PGM1: variants seen among roughly 807,000 people sequenced by gnomAD.
The protein encoded by PGM1 is phosphoglucomutase-1.
In PGM1, 52 loss-of-function variants were observed where a neutral mutation model predicts 55.6. The observed-to-expected ratio is 0.94, with a 90% confidence interval of 0.75 to 1.18. PGM1 has a LOEUF of 1.18. PGM1 is among the 50% of genes most tolerant of loss of function. The pLI, the probability that PGM1 is intolerant of heterozygous loss-of-function variation, is 0.00. For missense variants in PGM1, 724 were observed against 729.3 expected (o/e 0.99, Z 0.08); for synonymous variants, 287 against 271.7 (o/e 1.06, Z -0.55).
At chr1:63,619,320 G>A (rs1648824503) in intron 1 of PGM1, among the ~76,000 whole-genome samples, 1 of 152,202 alleles carries the variant, frequency 6.6e-6, no homozygotes, top group African/African-American at 2.4e-5. Flanking sequence ...TATGGAAAAA[G>A]GGTCAGAGGA....
At chr1:63,616,319 AC>A (rs530181689) in intron 1 of PGM1, among the ~76,000 whole-genome samples, 10 of 152,206 alleles carry the variant, frequency 6.6e-5, no homozygotes, top group Non-Finnish European at 1.2e-4. Context: ...CACGTGCCTT[AC>A]TTATGAAAAG....
chr1:63,659,507 A>G, intron 10 of PGM1, 79 bp from the exon 11 acceptor site: 1 of 1,127,538 alleles, frequency 8.9e-7, no homozygotes, highest in Non-Finnish European at 1.4e-6. Flanking sequence ...GGAAGTAGGC[A>G]GTCAGACGTA....
chr1:63,652,949 A>G (rs962446895), intron 9 of PGM1, among the ~76,000 whole-genome samples: 6 of 152,204 alleles, frequency 3.9e-5, no homozygotes, highest in Non-Finnish European at 5.9e-5. Context: ...TTGAGGAAGA[A>G]AGGGGTGTAG....
At chr1:63,638,624 C>A in intron 6 of PGM1, 61 bp from the exon 7 acceptor site, 1 of 1,060,122 alleles carries the variant, frequency 9.4e-7, no homozygotes, top group Non-Finnish European at 1.5e-6. Context: ...CCTTTTCCGT[C>A]CCTCACATGG....
At chr1:63,596,852 C>G (rs1648088322) in intron 1 of PGM1, among the ~76,000 whole-genome samples, 1 of 152,186 alleles carries the variant, frequency 6.6e-6, no homozygotes, top group Admixed American at 6.5e-5. Flanking sequence ...TTACCTGTAT[C>G]TGCAATGCCT....
intron 1 of PGM1, among the ~76,000 whole-genome samples, chr1:63,602,243 T>C (rs968697854): frequency 1.3e-5 from 2 of 152,180 alleles, no homozygotes; most frequent in Admixed American, 6.5e-5. Context: ...TTTTAATATA[T>C]GAGTACTGAG....
At chr1:63,635,873 T>G (rs952948579) in intron 5 of PGM1, among the ~76,000 whole-genome samples, 2 of 152,232 alleles carry the variant, frequency 1.3e-5, no homozygotes, top group African/African-American at 4.8e-5. Flanking sequence ...AGCCAATATT[T>G]CTTCTCTCAT....
intron 7 of PGM1, 71 bp downstream of exon 7, chr1:63,638,871 A>G: frequency 1.9e-6 from 2 of 1,068,738 alleles, no homozygotes; most frequent in Non-Finnish European, 1.5e-6. Flanking sequence ...TAGACTGCTA[A>G]GGTAGCACTG....
chr1:63,598,435 T>C (rs1167907904), intron 1 of PGM1, among the ~76,000 whole-genome samples: 1 of 152,232 alleles, frequency 6.6e-6, no homozygotes, highest in Non-Finnish European at 1.5e-5. Context: ...GAGGATTTAA[T>C]ACTGCCTTAC....
At chr1:63,628,017 T>C (rs3819914) in intron 1 of PGM1, among the ~76,000 whole-genome samples, 20,402 of 152,154 alleles carry the variant, frequency 0.13, 1,390 homozygotes, top group African/African-American at 0.17. Flanking sequence ...CTTGTTATTA[T>C]TGCTGCTGGA....
intron 1 of PGM1, among the ~76,000 whole-genome samples, chr1:63,605,058 TC>T (rs1376284813): frequency 6.6e-6 from 1 of 151,990 alleles, no homozygotes; most frequent in Admixed American, 6.6e-5. Context: ...GAATGCACAC[TC>T]CTGTCCTGGC....
At chr1:63,632,442 G>A (rs774065233) in intron 4 of PGM1, among the ~76,000 whole-genome samples, 24 of 152,202 alleles carry the variant, frequency 1.6e-4, no homozygotes, top group African/African-American at 3.9e-4. Context: ...GATGCAATTC[G>A]GGGATTCCTG....
intron 1 of PGM1, among the ~76,000 whole-genome samples, chr1:63,620,276 C>T (rs1026420773): frequency 2.0e-5 from 3 of 152,194 alleles, no homozygotes; most frequent in Non-Finnish European, 4.4e-5. Flanking sequence ...TGCTTAGTTA[C>T]TGGTGGCTGG....
At chr1:63,644,411 A>G (rs573010011) in intron 7 of PGM1, among the ~76,000 whole-genome samples, 61 of 152,302 alleles carry the variant, frequency 4.0e-4, no homozygotes, top group African/African-American at 1.5e-3. Context: ...AAACATAATG[A>G]AACAAGTAAT....
Position 63,629,967 on chromosome 1 carries a change from T to C in PGM1, c.435T>C (p.Asp145=). 1 of 1,614,038 alleles carries C rather than the reference T, an allele frequency of 6.2e-7. No homozygotes were observed. The highest frequency in any genetic ancestry group is 8.5e-7 in the Non-Finnish European group (1 of 1,179,938). The change falls in exon 3 of 11, where the codon GAT becomes GAC. Residue 145 remains aspartate, a synonymous_variant. Transcript: ENST00000371084. ...NGGPAPEAIT[D]KIFQISKTIE... Reference sequence around the variant, plus strand: ...GTCCTGCTCCAGAAGCAATAACTGATAAAATTTTCCAAATCAGCAAGACAA... The same window carrying C: ...GTCCTGCTCCAGAAGCAATAACTGACAAAATTTTCCAAATCAGCAAGACAA...
At chr1:63,641,931 A>C (rs1649529051) in intron 7 of PGM1, among the ~76,000 whole-genome samples, 1 of 152,180 alleles carries the variant, frequency 6.6e-6, no homozygotes, top group South Asian at 2.1e-4. Flanking sequence ...AAAAGAAAGA[A>C]CTTTAAAAGG....
intron 1 of PGM1, chr1:63,594,106 C>A: frequency 2.0e-6 from 2 of 1,016,360 alleles, no homozygotes; most frequent in Middle Eastern, 4.9e-4. Context: ...TTGGAAGATA[C>A]GATTACGGCG....
rs1649903078 is a variant in PGM1 at position 63,654,396 on chromosome 1, C to A, written c.1529C>A (p.Ala510Asp). ...IVFRLSGTGS[A>D]GATIRLYIDS... ...TTCCGACTGAGCGGCACTGGGAGTG[C>A]CGGGGCCACCATTCGGCTGTACATC... Residue 510 changes from alanine (A) to aspartate (D), a missense_variant, in exon 10 of 11, where the codon GCC becomes GAC. Ala to Asp is a moderately radical substitution (Grantham distance 126). Coordinates refer to ENST00000371084, the MANE Select transcript of PGM1 (RefSeq NM_002633.3). 6.2e-7 allele frequency: 1 copy of A among 1,613,808 alleles called. No individual in the cohort carries two copies. The highest frequency in any genetic ancestry group is 1.7e-5 in the Admixed American group (1 of 60,006).
intron 1 of PGM1, among the ~76,000 whole-genome samples, chr1:63,611,297 A>T (rs559663623): frequency 6.6e-6 from 1 of 152,208 alleles, no homozygotes; most frequent in South Asian, 2.1e-4. Flanking sequence ...ACATGGGGGT[A>T]TGAAGAAGAC....
Sources: allele counts gnomAD v4.1 joint callset (sites outside exome capture counted in the v4.1 genomes callset), GRCh38; gene constraint gnomAD v4.1.1; transcripts MANE v1.5; gene names NCBI Gene and HGNC (gene_info 2026-07-23, HGNC 2026-07-21).